Variants in SGCD observed in about 807,000 individuals in gnomAD.
SGCD encodes sarcoglycan delta.
A neutral mutation model predicts 36.6 loss-of-function variants in SGCD; 18 were observed. The ratio of observed to expected loss-of-function variants is 0.49; its 90% CI spans 0.34 to 0.73. SGCD has a LOEUF of 0.73. Ranked by LOEUF, SGCD falls within the 30% of genes least tolerant of loss-of-function variation. The pLI, the probability that SGCD is intolerant of heterozygous loss-of-function variation, is 0.01. For synonymous variants in SGCD, 133 were observed against 130.6 expected, an observed-to-expected ratio of 1.02 and a Z score of -0.12; for missense variants, 387 against 346.7, an observed-to-expected ratio of 1.12 and a Z score of -0.92.
intron 3 of SGCD, among the ~76,000 whole-genome samples, chr5:156,184,888 G>C (rs1409433442): frequency 6.6e-6 from 1 of 152,060 alleles, no homozygotes; most frequent in Non-Finnish European, 1.5e-5. Flanking sequence ...GCTGAGATTG[G>C]GTCTTGTATA....
At chr5:156,431,885 T>C (rs576805778) in intron 3 of SGCD, among the ~76,000 whole-genome samples, 44 of 152,170 alleles carry the variant, frequency 2.9e-4, no homozygotes, top group Non-Finnish European at 1.0e-4. Flanking sequence ...CCAGCTAATT[T>C]TTGTATTTTT....
At chr5:155,940,827 AAAGC>A in intron 1 of SGCD, among the ~76,000 whole-genome samples, 1 of 152,090 alleles carries the variant, frequency 6.6e-6, no homozygotes, top group Non-Finnish European at 1.5e-5. Flanking sequence ...CCTGGGTGAC[AAAGC>A]AAGAATCCGT....
intron 5 of SGCD, among the ~76,000 whole-genome samples, chr5:156,589,892 C>T (rs1234865195): frequency 6.6e-6 from 1 of 152,172 alleles, no homozygotes; most frequent in Non-Finnish European, 1.5e-5. Context: ...AAAGCACCCA[C>T]TGTGTTTTAA....
At chr5:156,338,678 A>G (rs746655136) in intron 2 of SGCD, among the ~76,000 whole-genome samples, 3 of 152,152 alleles carry the variant, frequency 2.0e-5, no homozygotes, top group Non-Finnish European at 4.4e-5. Context: ...GGCCTGGTTC[A>G]AAGATCTCGG....
intron 1 of SGCD, among the ~76,000 whole-genome samples, chr5:156,016,453 A>C (rs1758980568): frequency 6.6e-6 from 1 of 152,148 alleles, no homozygotes; most frequent in African/African-American, 2.4e-5. Flanking sequence ...CCAAAAGTCA[A>C]AATTATACCA....
chr5:156,722,963 T>A (rs1755585146), intron 7 of SGCD, among the ~76,000 whole-genome samples: 1 of 152,206 alleles, frequency 6.6e-6, no homozygotes, highest in African/African-American at 2.4e-5. Context: ...TATGTCTTCA[T>A]TTAGGGTAAA....
chr5:156,338,009 A>C (rs940415339), intron 2 of SGCD, among the ~76,000 whole-genome samples: 1 of 152,170 alleles, frequency 6.6e-6, no homozygotes, highest in African/African-American at 2.4e-5. Context: ...TGGGGAGCAG[A>C]GTCAAACGTT....
intron 7 of SGCD, among the ~76,000 whole-genome samples, chr5:156,742,781 A>G (rs909945560): frequency 1.3e-5 from 2 of 152,184 alleles, no homozygotes; most frequent in Non-Finnish European, 2.9e-5. Context: ...CTGAAGGCAG[A>G]AGACTAATGT....
chr5:156,033,872 C>T (rs1188974492), intron 1 of SGCD, among the ~76,000 whole-genome samples: 2 of 152,142 alleles, frequency 1.3e-5, no homozygotes, highest in African/African-American at 2.4e-5. Context: ...TACTGGCTCA[C>T]ATTGCCCATT....
At chr5:156,103,391 C>T (rs927846555) in intron 1 of SGCD, among the ~76,000 whole-genome samples, 3 of 151,970 alleles carry the variant, frequency 2.0e-5, no homozygotes, top group Admixed American at 6.6e-5. Flanking sequence ...ATGAGGTTTC[C>T]GGGTCTGAAA....
the SGCD span, among the ~76,000 whole-genome samples, chr5:155,796,806 CAAAAAAAAAA>C: frequency 5.8e-5 from 3 of 51,324 alleles, no homozygotes; most frequent in African/African-American, 7.7e-5. Flanking sequence ...AACTCCATCT[CAAAAAAAAAA>C]AAAAAAAAAA....
chr5:156,319,837 G>A (rs755333235), intron 3 of SGCD, among the ~76,000 whole-genome samples: 21 of 152,118 alleles, frequency 1.4e-4, no homozygotes, highest in East Asian at 5.8e-4. Context: ...ATCAGAATAC[G>A]CTACAGCTCA....
chr5:156,080,942 C>T (rs112998811), intron 1 of SGCD, among the ~76,000 whole-genome samples: 10 of 152,164 alleles, frequency 6.6e-5, no homozygotes, highest in Non-Finnish European at 1.5e-4. Context: ...AATAGCAATA[C>T]CATACTCCTG....
At chr5:156,100,884 A>G (rs12188424) in intron 1 of SGCD, among the ~76,000 whole-genome samples, 771 of 152,280 alleles carry the variant, frequency 5.1e-3, no homozygotes, top group Non-Finnish European at 8.6e-3. Flanking sequence ...GCTGAGAACC[A>G]AATGCTTGTG....
intron 1 of SGCD, among the ~76,000 whole-genome samples, chr5:156,009,884 C>A (rs191720626): frequency 6.6e-6 from 1 of 152,282 alleles, no homozygotes; most frequent in East Asian, 1.9e-4. Flanking sequence ...CATCCTCAGG[C>A]TTCTCTAAAT....
At chr5:155,960,533 C>G (rs72805699) in intron 1 of SGCD, among the ~76,000 whole-genome samples, 6,558 of 152,132 alleles carry the variant, frequency 0.043, 189 homozygotes, top group Non-Finnish European at 0.066. Context: ...ACACATACCC[C>G]TACCTTACCC....
chr5:156,539,654 G>C (rs1024637675), intron 4 of SGCD, among the ~76,000 whole-genome samples: 3 of 151,968 alleles, frequency 2.0e-5, no homozygotes, highest in African/African-American at 7.2e-5. Context: ...TTATCCACTT[G>C]TTGATTGATG....
chr5:156,185,823 ATGTGTGTG>A (rs1258770652), intron 3 of SGCD, among the ~76,000 whole-genome samples: 1 of 135,120 alleles, frequency 7.4e-6, no homozygotes, highest in Non-Finnish European at 1.6e-5. Flanking sequence ...GGCCATATAT[ATGTGTGTG>A]TGTATATATA....
chr5:155,800,819 G>A, the SGCD span, among the ~76,000 whole-genome samples: 1 of 151,950 alleles, frequency 6.6e-6, no homozygotes, highest in Non-Finnish European at 1.5e-5. Flanking sequence ...AGTCTGTCCT[G>A]TTAGTCTGTG....
Sources: allele counts gnomAD v4.1 joint callset (sites outside exome capture counted in the v4.1 genomes callset), GRCh38; gene constraint gnomAD v4.1.1; transcripts MANE v1.5; gene names NCBI Gene and HGNC (gene_info 2026-07-23, HGNC 2026-07-21).